PRKN: variants seen among roughly 807,000 people sequenced by gnomAD.
The protein encoded by PRKN is parkin RBR E3 ubiquitin protein ligase.
A neutral mutation model predicts 59.5 loss-of-function variants in PRKN; 56 were observed. The observed-to-expected ratio is 0.94, with a 90% CI of 0.76 to 1.18. PRKN has a LOEUF of 1.18. Ranked by LOEUF, PRKN falls within the 50% of genes most tolerant of loss-of-function variation. The probability of loss-of-function intolerance (pLI) is 0.00; values close to 1 mark genes in which losing one functional copy is unlikely to be tolerated. For synonymous variants in PRKN, 250 were observed against 222.1 expected (o/e 1.13, Z -1.12); for missense variants, 657 against 596.4 (o/e 1.10, Z -1.06).
At chr6:162,140,586 G>A (rs765980513) in intron 4 of PRKN, among the ~76,000 whole-genome samples, 1 of 152,100 alleles carries the variant, frequency 6.6e-6, no homozygotes, top group Non-Finnish European at 1.5e-5. Context: ...TGTTATTTTC[G>A]TTGGTTTCCT....
rs1181901863 is a variant in PRKN, at chr6:161,552,565, CT to C, written c.934-3563del. Among the ~76,000 whole-genome samples, 1 of 151,864 alleles carries C rather than the reference CT, an allele frequency of 6.6e-6. No individual in the cohort carries two copies. The highest frequency in any genetic ancestry group is 1.5e-5 in the Non-Finnish European group (1 of 67,964). ...TTTTTTGTCTTGACCTGTCCAAATCCTTCCACATTGAAAAAAAACAAAAACA... is the reference window on the plus strand; with the variant it reads ...TTTTTTGTCTTGACCTGTCCAAATCCTCCACATTGAAAAAAAACAAAAACA... On this transcript the variant is annotated intron_variant, in intron 8 of 11. Coordinates refer to ENST00000366898, the MANE Select transcript of PRKN (RefSeq NM_004562.3). The surrounding 1 kb of genome is among the most constrained non-coding windows in gnomAD (Gnocchi z 4.9).
At chr6:162,553,399 T>C (rs1012358095) in intron 1 of PRKN, among the ~76,000 whole-genome samples, 3 of 147,082 alleles carry the variant, frequency 2.0e-5, no homozygotes, top group African/African-American at 7.4e-5. Context: ...TGGGAGGTCT[T>C]ATTAGAAGCA....
At chr6:161,881,506 C>T (rs1794934712) in intron 6 of PRKN, among the ~76,000 whole-genome samples, 1 of 152,208 alleles carries the variant, frequency 6.6e-6, no homozygotes, top group African/African-American at 2.4e-5. Context: ...TTCCATGAAT[C>T]CCACTGCAAA....
intron 3 of PRKN, among the ~76,000 whole-genome samples, chr6:162,256,055 CT>C (rs1396970572): frequency 6.6e-6 from 1 of 151,982 alleles, no homozygotes; most frequent in African/African-American, 2.4e-5. Flanking sequence ...GGTAGTCAAC[CT>C]TTGGGGATTG....
At chr6:161,636,203 C>T (rs1215112142) in intron 7 of PRKN, among the ~76,000 whole-genome samples, 2 of 152,258 alleles carry the variant, frequency 1.3e-5, no homozygotes, top group Non-Finnish European at 2.9e-5. Flanking sequence ...TATGTCAGCA[C>T]AGGACAGCCT....
chr6:162,610,037 C>T (rs1481243139), intron 1 of PRKN, among the ~76,000 whole-genome samples: 2 of 152,118 alleles, frequency 1.3e-5, no homozygotes, highest in African/African-American at 4.8e-5. Flanking sequence ...GTTTTGAAAT[C>T]ATTTGAGATG....
Position 161,518,523 on chromosome 6 carries a change from T to A in PRKN, c.1083+30331A>T, listed in dbSNP as rs987093891. Among the ~76,000 whole-genome samples, 5 of 152,020 alleles carry A rather than the reference T, an allele frequency of 3.3e-5. No individual in the cohort carries two copies. Among genetic ancestry groups the A allele is most frequent in the Admixed American group, 2.6e-4 (4 of 15,256 alleles). On this transcript the variant is annotated intron_variant, in intron 9 of 11. Transcript: ENST00000366898. This position sits in a 1 kb window ranked among gnomAD's most constrained non-coding sequence, Gnocchi z 5.0. Reference sequence around the variant, plus strand: ...GGCTGTGCAATCCCAGGGCTCTGGGTGAGAGCTGAACCGAGGCTCACATCT... The same window carrying A: ...GGCTGTGCAATCCCAGGGCTCTGGGAGAGAGCTGAACCGAGGCTCACATCT...
chr6:161,877,177 AG>A lies in PRKN; in HGVS notation c.735-91270del, dbSNP rs147100543. 4.3e-3 allele frequency among the ~76,000 whole-genome samples: 654 copies of A among 152,194 alleles called. 3 individuals are homozygous for A. Among genetic ancestry groups the A allele is most frequent in the African/African-American group, 0.014 (601 of 41,534 alleles). ...CTTCATTTCTGATGCAGGTGTGCAC[AG>A]TGGTAGTCATAGAGGAGGAAACTGT... On this transcript the variant is annotated intron_variant, in intron 6 of 11. Coordinates refer to ENST00000366898, the MANE Select transcript of PRKN (RefSeq NM_004562.3).
At position 161,582,679 on chromosome 6, in the gene PRKN, G is replaced by T. The variant is rs1034893730; in HGVS notation, c.872-13263C>A. Among the ~76,000 whole-genome samples the T allele has an allele frequency of 6.6e-6, 1 of 151,876 alleles. No homozygotes were observed. Among genetic ancestry groups the T allele is most frequent in the Admixed American group, 6.6e-5 (1 of 15,244 alleles). On this transcript the variant is annotated intron_variant, in intron 7 of 11. Transcript: ENST00000366898. This position sits in a 1 kb window ranked among gnomAD's most constrained non-coding sequence, Gnocchi z 4.4. ...GCTGACCTCGTGATCTGCCCGCCTC[G>T]GCCTCCCAAAGTTCTGGGATTACAG...
intron 2 of PRKN, among the ~76,000 whole-genome samples, chr6:162,331,241 A>G (rs989112154): frequency 4.6e-5 from 7 of 152,062 alleles, no homozygotes; most frequent in Admixed American, 1.3e-4. Flanking sequence ...CCATAATTCA[A>G]TCGCTCCCAA....
At chr6:162,416,302 T>C (rs988096638) in intron 2 of PRKN, among the ~76,000 whole-genome samples, 4 of 152,214 alleles carry the variant, frequency 2.6e-5, no homozygotes, top group Non-Finnish European at 5.9e-5. Flanking sequence ...CACCTCTACC[T>C]GGTGACATTC....
At chr6:162,320,384 ACCAAGCATTTTAAGATC>A (rs1562667766) in intron 2 of PRKN, among the ~76,000 whole-genome samples, 13 of 108,714 alleles carry the variant, frequency 1.2e-4, no homozygotes, top group Non-Finnish European at 1.7e-4. Context: ...AAAAAAAAAA[ACCAAGCATTTTAAGATC>A]AAACAAGCAA....
chr6:161,679,011 CA>C (rs1785198612), intron 7 of PRKN, among the ~76,000 whole-genome samples: 2 of 152,212 alleles, frequency 1.3e-5, no homozygotes, highest in Non-Finnish European at 2.9e-5. Flanking sequence ...CACACACGCA[CA>C]TGCATGTGTG....
intron 6 of PRKN, among the ~76,000 whole-genome samples, chr6:161,935,560 A>T (rs1346167997): frequency 6.6e-6 from 1 of 151,538 alleles, no homozygotes; most frequent in Non-Finnish European, 1.5e-5. Context: ...TTTCCAAAAA[A>T]AAAAAAAAAA....
chr6:162,374,384 G>A (rs907514402), intron 2 of PRKN, among the ~76,000 whole-genome samples: 1 of 135,020 alleles, frequency 7.4e-6, no homozygotes. Context: ...AACCTGGTCT[G>A]CTATAGTTTT....
intron 7 of PRKN, among the ~76,000 whole-genome samples, chr6:161,630,949 A>G (rs1286169188): frequency 6.6e-6 from 1 of 152,222 alleles, no homozygotes; most frequent in Non-Finnish European, 1.5e-5. Flanking sequence ...TACAGACAAA[A>G]ACAATCCTTT....
chr6:162,491,617 G>A (rs1792819715), intron 1 of PRKN, among the ~76,000 whole-genome samples: 1 of 152,286 alleles, frequency 6.6e-6, no homozygotes, highest in South Asian at 2.1e-4. Flanking sequence ...TTAGCCATCC[G>A]GCTCATACAC....
intron 1 of PRKN, among the ~76,000 whole-genome samples, chr6:162,614,267 A>T (rs986937878): frequency 3.3e-5 from 5 of 152,058 alleles, no homozygotes; most frequent in Non-Finnish European, 7.4e-5. Flanking sequence ...GACTCAGGAG[A>T]TGGCGGTGGC....
chr6:161,767,716 C>A (rs568739449), intron 7 of PRKN, among the ~76,000 whole-genome samples: 29 of 148,946 alleles, frequency 1.9e-4, no homozygotes, highest in African/African-American at 7.2e-4. Flanking sequence ...AACTATGTTA[C>A]CTTAAAGGTT....
Sources: gnomAD v4.1 joint callset for allele counts (sites outside exome capture counted in the v4.1 genomes callset) on GRCh38, gnomAD v4.1.1 for gene constraint, Gnocchi (gnomAD v3.1) non-coding constraint, MANE v1.5 for transcripts, NCBI Gene and HGNC (gene_info 2026-07-23, HGNC 2026-07-21) for gene names.